The following GSTCD variants were observed in gnomAD, a reference collection of about 807,000 sequenced individuals.
GSTCD encodes the protein glutathione S-transferase C-terminal domain containing, also known as glutathione S-transferase C-terminal domain-containing protein.
Under a neutral mutation model 68.3 loss-of-function variants are expected in GSTCD, and 44 were observed. The ratio of observed to expected loss-of-function variants is 0.64; its 90% CI spans 0.51 to 0.83. GSTCD has a LOEUF of 0.83. Among genes scored for constraint, GSTCD ranks in the 40% least tolerant of loss-of-function variants. The pLI is 0.00. For missense variants in GSTCD, 739 were observed against 735.9 expected, an observed-to-expected ratio of 1.00 and a Z score of -0.05; for synonymous variants, 273 against 255.2, an observed-to-expected ratio of 1.07 and a Z score of -0.67.
Position 105,719,339 on chromosome 4 carries a change from A to C in GSTCD, c.706A>C (p.Ser236Arg), listed in dbSNP as rs756328603. 2 of 1,614,128 alleles carry C rather than the reference A, an allele frequency of 1.2e-6. No individual in the cohort carries two copies. The highest frequency in any genetic ancestry group is 4.5e-5 in the East Asian group (2 of 44,890). ...TSEGLDSSSK[S>R]LELKVAFSKL... is the part of the protein sequence containing the mutation. ...TGAAGGGTTGGATTCTTCATCCAAG[A>C]GTCTGGAACTGAAAGTGGCATTCTC... is the stretch of plus-strand genomic sequence containing the variant. Residue 236 changes from serine (S) to arginine (R), a missense_variant, in exon 3 of 12, where the codon AGT (serine) becomes CGT (arginine). By Grantham distance (110) the Ser-to-Arg change is moderately radical. Coordinates refer to ENST00000515279, the MANE Select transcript of GSTCD (RefSeq NM_001370181.1).
intron 8 of GSTCD, among the ~76,000 whole-genome samples, chr4:105,829,599 C>T (rs1382089823): frequency 6.6e-6 from 1 of 152,144 alleles, no homozygotes; most frequent in Non-Finnish European, 1.5e-5. Flanking sequence ...TTTCATGGGA[C>T]TTATTCACTA....
chr4:105,714,915 T>C (rs2149202852), intron 1 of GSTCD, among the ~76,000 whole-genome samples: 1 of 152,318 alleles, frequency 6.6e-6, no homozygotes, highest in East Asian at 1.9e-4. Context: ...GTGGCAAATA[T>C]AGGCATACTT....
At chr4:105,730,559 C>A (rs1464661514) in intron 5 of GSTCD, among the ~76,000 whole-genome samples, 5 of 152,150 alleles carry the variant, frequency 3.3e-5, no homozygotes, top group African/African-American at 1.2e-4. Flanking sequence ...AGTGTCTGTT[C>A]ATATCCTTCG....
chr4:105,794,836 T>C (rs1342440642), intron 5 of GSTCD, among the ~76,000 whole-genome samples: 1 of 95,032 alleles, frequency 1.1e-5, no homozygotes, highest in African/African-American at 8.8e-5. Flanking sequence ...TCTATCTATC[T>C]ATTTATCTAT....
At chr4:105,759,212 G>A (rs1316950182) in intron 5 of GSTCD, among the ~76,000 whole-genome samples, 1 of 152,110 alleles carries the variant, frequency 6.6e-6, no homozygotes, top group East Asian at 1.9e-4. Flanking sequence ...CTATGAGTCA[G>A]CTAGTAATGG....
At chr4:105,728,418 AGAT>A (rs1226865886) in intron 4 of GSTCD, among the ~76,000 whole-genome samples, 1 of 152,170 alleles carries the variant, frequency 6.6e-6, no homozygotes, top group Non-Finnish European at 1.5e-5. Context: ...GAAGAGAGGT[AGAT>A]GATGTCAGAG....
chr4:105,739,452 T>C (rs11930244), intron 5 of GSTCD, among the ~76,000 whole-genome samples: 10,927 of 152,268 alleles, frequency 0.072, 422 homozygotes, highest in Middle Eastern at 0.12. Flanking sequence ...CTTCTTTGAA[T>C]GTTTGGTATA....
intron 5 of GSTCD, among the ~76,000 whole-genome samples, chr4:105,760,153 A>G (rs1734346529): frequency 1.1e-5 from 1 of 90,596 alleles, no homozygotes; most frequent in Non-Finnish European, 2.3e-5. Context: ...AAGATTTGAG[A>G]AAAAAAAAAT....
intron 4 of GSTCD, 90 bp from the exon 5 acceptor site, chr4:105,729,316 C>T: frequency 1.6e-6 from 1 of 636,996 alleles, no homozygotes; most frequent in Non-Finnish European, 2.6e-6. Context: ...CTCCTCCTTA[C>T]CAATATACAA....
At chr4:105,753,714 A>G (rs1017562678) in intron 5 of GSTCD, among the ~76,000 whole-genome samples, 25 of 152,170 alleles carry the variant, frequency 1.6e-4, no homozygotes, top group Admixed American at 1.4e-3. Flanking sequence ...TCAATCCTTC[A>G]CTGATACTAA....
chr4:105,736,737 A>T (rs930688942), intron 5 of GSTCD, among the ~76,000 whole-genome samples: 1 of 152,158 alleles, frequency 6.6e-6, no homozygotes, highest in African/African-American at 2.4e-5. Flanking sequence ...ACTTCTGGCT[A>T]TACACCCTTT....
At chr4:105,732,075 T>A (rs1170458315) in intron 5 of GSTCD, among the ~76,000 whole-genome samples, 1 of 152,262 alleles carries the variant, frequency 6.6e-6, no homozygotes, top group East Asian at 1.9e-4. Flanking sequence ...CTCTTTGATG[T>A]GCTGCTGGAT....
chr4:105,831,128 A>G (rs1325905843), intron 8 of GSTCD, among the ~76,000 whole-genome samples: 3 of 152,238 alleles, frequency 2.0e-5, no homozygotes, highest in African/African-American at 7.2e-5. Context: ...TTTGAATTTT[A>G]AAGCTGATTA....
chr4:105,795,460 A>C (rs1215218922), intron 5 of GSTCD, among the ~76,000 whole-genome samples: 3 of 152,048 alleles, frequency 2.0e-5, no homozygotes, highest in African/African-American at 7.3e-5. Context: ...CATTGTGAGC[A>C]GAATCTCTAA....
intron 5 of GSTCD, among the ~76,000 whole-genome samples, chr4:105,814,280 T>A (rs1465644036): frequency 6.6e-6 from 1 of 152,174 alleles, no homozygotes; most frequent in Non-Finnish European, 1.5e-5. Context: ...CCTTTGTATC[T>A]TTCCCTTTTC....
chr4:105,745,796 C>T (rs181085561), intron 5 of GSTCD, among the ~76,000 whole-genome samples: 3 of 152,232 alleles, frequency 2.0e-5, no homozygotes, highest in Admixed American at 2.0e-4. Flanking sequence ...GAAGCATGAC[C>T]TTACATAAGA....
At chr4:105,805,949 T>A (rs1722473202) in intron 5 of GSTCD, among the ~76,000 whole-genome samples, 1 of 152,110 alleles carries the variant, frequency 6.6e-6, no homozygotes, top group Admixed American at 6.6e-5. Context: ...CCAGTTTGCA[T>A]CATCTGTATA....
At chr4:105,820,089 C>A (rs544520016) in intron 5 of GSTCD, among the ~76,000 whole-genome samples, 3 of 151,720 alleles carry the variant, frequency 2.0e-5, no homozygotes, top group Non-Finnish European at 4.4e-5. Flanking sequence ...AATTACTACA[C>A]TGAACATGTG....
intron 5 of GSTCD, among the ~76,000 whole-genome samples, chr4:105,804,736 A>C (rs535437025): frequency 6.6e-6 from 1 of 152,110 alleles, no homozygotes; most frequent in Non-Finnish European, 1.5e-5. Flanking sequence ...GGCACAGATC[A>C]TCCCATCACC....
Sources: gnomAD v4.1 joint callset for allele counts (sites outside exome capture counted in the v4.1 genomes callset) on GRCh38, gnomAD v4.1.1 for gene constraint, MANE v1.5 for transcripts, NCBI Gene and HGNC (gene_info 2026-07-23, HGNC 2026-07-21) for gene names.